The following TSPEAR variants were observed in gnomAD, a reference collection of about 807,000 sequenced individuals.
The protein encoded by TSPEAR is thrombospondin-type laminin G domain and EAR repeat-containing protein.
Under a neutral mutation model 71.6 loss-of-function variants are expected in TSPEAR, and 69 were observed. The ratio of observed to expected loss-of-function variants is 0.96; its 90% CI spans 0.79 to 1.18. The LOEUF is 1.18. TSPEAR is among the 50% of genes most tolerant of loss of function. The probability of loss-of-function intolerance (pLI) is 0.00; values close to 1 mark genes in which losing one functional copy is unlikely to be tolerated. For missense variants in TSPEAR, 971 were observed against 894.9 expected (o/e 1.09, Z -1.09); for synonymous variants, 402 against 387.2 (o/e 1.04, Z -0.45).
intron 9 of TSPEAR, chr21:44,510,954 CTA>C (rs1392512264): frequency 6.6e-6 from 1 of 152,248 alleles, no homozygotes; most frequent in African/African-American, 2.4e-5. Context: ...CGAGATGTGA[CTA>C]TTCCTATCTG....
chr21:44,504,069 TG>T (rs2052124792), intron 11 of TSPEAR, among the ~76,000 whole-genome samples: 3 of 107,588 alleles, frequency 2.8e-5, no homozygotes, highest in African/African-American at 7.3e-5. Context: ...GGTGAGCCCT[TG>T]GGGGGAAGCT....
intron 9 of TSPEAR, chr21:44,517,958 T>TC (rs782589186): frequency 4.7e-5 from 20 of 422,868 alleles, no homozygotes; most frequent in Admixed American, 1.5e-4. Flanking sequence ...TTCTTTTTTT[T>TC]CTAGAACTTT....
intron 1 of TSPEAR, chr21:44,686,714 C>T (rs1185144630): frequency 1.3e-5 from 2 of 152,326 alleles, no homozygotes; most frequent in African/African-American, 4.8e-5. Context: ...TTATCAGAAT[C>T]CCCCTGCACT....
intron 9 of TSPEAR, chr21:44,519,041 G>C: frequency 5.7e-6 from 1 of 176,394 alleles, no homozygotes; most frequent in Non-Finnish European, 1.2e-5. Context: ...TTTTTTTTTT[G>C]TTTTTGAGAT....
intron 7 of TSPEAR, among the ~76,000 whole-genome samples, chr21:44,526,442 A>T (rs1452787566): frequency 6.6e-6 from 1 of 151,440 alleles, no homozygotes; most frequent in African/African-American, 2.5e-5. Context: ...TTGTTCTTTG[A>T]TGCAAAGTTT....
chr21:44,588,526 G>C (rs1555925948), intron 1 of TSPEAR, among the ~76,000 whole-genome samples: 2 of 152,066 alleles, frequency 1.3e-5, no homozygotes, highest in Non-Finnish European at 1.5e-5. Flanking sequence ...CCACTACTGG[G>C]TATCTACCCG....
At chr21:44,652,952 C>A (rs1281607479) in intron 1 of TSPEAR, among the ~76,000 whole-genome samples, 6 of 152,022 alleles carry the variant, frequency 3.9e-5, no homozygotes, top group African/African-American at 1.4e-4. Flanking sequence ...GTCAGGAGAT[C>A]AAAACCATCC....
chr21:44,561,438 T>C (rs2053631005), intron 2 of TSPEAR, among the ~76,000 whole-genome samples: 4 of 152,190 alleles, frequency 2.6e-5, no homozygotes, highest in Admixed American at 2.0e-4. Flanking sequence ...TCTGAAACTA[T>C]TCCAAACAAC....
chr21:44,580,728 TC>T, intron 1 of TSPEAR: 1 of 777,748 alleles, frequency 1.3e-6, no homozygotes, highest in Non-Finnish European at 2.1e-6. Flanking sequence ...GACAGGAGGC[TC>T]CACAAGCTTC....
chr21:44,572,851 A>G (rs890414360), intron 1 of TSPEAR, among the ~76,000 whole-genome samples: 2 of 143,768 alleles, frequency 1.4e-5, no homozygotes, highest in African/African-American at 2.6e-5. Context: ...ACACACACAC[A>G]CACACACACA....
chr21:44,571,608 G>T (rs1278514486), intron 1 of TSPEAR, among the ~76,000 whole-genome samples: 1 of 152,170 alleles, frequency 6.6e-6, no homozygotes, highest in East Asian at 1.9e-4. Flanking sequence ...TTCCAGGGAT[G>T]AAACAGGGCA....
At chr21:44,540,178 G>A (rs782400481) in intron 2 of TSPEAR, 21 of 1,603,870 alleles carry the variant, frequency 1.3e-5, no homozygotes, top group Admixed American at 1.7e-5. Context: ...GTGAGCTGCG[G>A]GAGGTGTGAG....
chr21:44,702,757 C>T, intron 1 of TSPEAR: 1 of 1,374,862 alleles, frequency 7.3e-7, no homozygotes, highest in Non-Finnish European at 1.0e-6. Flanking sequence ...GTGCTCCCAC[C>T]TGGCCTGCTG....
At chr21:44,605,467 T>C (rs587643302) in intron 1 of TSPEAR, among the ~76,000 whole-genome samples, 3 of 152,318 alleles carry the variant, frequency 2.0e-5, no homozygotes, top group Non-Finnish European at 4.4e-5. Context: ...AAAATTCATA[T>C]GAAACCATAA....
At chr21:44,658,471 C>T in intron 1 of TSPEAR, 1 of 599,318 alleles carries the variant, frequency 1.7e-6, no homozygotes, top group Non-Finnish European at 3.0e-6. Context: ...CTGCCAGAGT[C>T]CTTCTCTCAC....
At position 44,627,742 on chromosome 21, in the gene TSPEAR, G is replaced by T. The variant is rs149336073; in HGVS notation, c.83-59737C>A. The T allele has an allele frequency of 1.3e-4, 209 of 1,595,056 alleles. 1 individual carries two copies. The East Asian group carries it at 4.6e-3, about 35-fold the overall frequency. On this transcript the variant is annotated intron_variant, in intron 1 of 11. Coordinates refer to ENST00000323084, the MANE Select transcript of TSPEAR (RefSeq NM_144991.3). ...CTGTGTGCCTGTCTGCTGTAAGCCT[G>T]TCTGCTGCAAACCCATCTGCTGTGT...
chr21:44,508,792 T>C, intron 10 of TSPEAR: 1 of 1,318,270 alleles, frequency 7.6e-7, no homozygotes, highest in Non-Finnish European at 1.0e-6. Context: ...GAAGTAATCA[T>C]GTCTGGTGGC....
intron 2 of TSPEAR, chr21:44,558,508 C>G (rs1264501694): frequency 2.5e-6 from 4 of 1,613,842 alleles, no homozygotes; most frequent in Middle Eastern, 1.7e-4. Context: ...CTGGTGCAGC[C>G]TGACTGGCAG....
At chr21:44,544,080 TTAC>T (rs1192010366) in intron 2 of TSPEAR, among the ~76,000 whole-genome samples, 4 of 152,200 alleles carry the variant, frequency 2.6e-5, no homozygotes, top group Non-Finnish European at 5.9e-5. Context: ...AGATGTATCA[TTAC>T]TTTAGTCAAC....
Sources: gnomAD v4.1 joint callset for allele counts (sites outside exome capture counted in the v4.1 genomes callset) on GRCh38, gnomAD v4.1.1 for gene constraint, MANE v1.5 for transcripts, NCBI Gene and HGNC (gene_info 2026-07-23, HGNC 2026-07-21) for gene names.